NBAS: variants seen among roughly 807,000 people sequenced by gnomAD.
The protein encoded by NBAS is NBAS subunit of NRZ tethering complex.
NBAS carries 219 observed loss-of-function variants against 302.5 expected under a neutral mutation model. The observed-to-expected ratio is 0.72, with a 90% CI of 0.65 to 0.81. NBAS has a LOEUF of 0.81. Among genes scored for constraint, NBAS ranks in the 30% least tolerant of loss-of-function variants. The probability of loss-of-function intolerance (pLI) is 0.00; values close to 1 mark genes in which losing one functional copy is unlikely to be tolerated. For missense variants in NBAS, 2,932 were observed against 2,841.6 expected (o/e 1.03, Z -0.72); for synonymous variants, 1,118 against 1,021.6 (o/e 1.09, Z -1.80).
At chr2:14,888,762 T>A in the NBAS span, among the ~76,000 whole-genome samples, 1 of 152,254 alleles carries the variant, frequency 6.6e-6, no homozygotes. Context: ...AAGGTCTAAG[T>A]CAGATAGATG....
intron 12 of NBAS, among the ~76,000 whole-genome samples, chr2:15,482,665 G>A (rs1185250830): frequency 1.4e-5 from 2 of 146,542 alleles, no homozygotes; most frequent in African/African-American, 2.5e-5. Flanking sequence ...GGCAAGCAAA[G>A]AAAGGTAAGA....
At chr2:15,409,058 A>C (rs770526066) in intron 25 of NBAS, among the ~76,000 whole-genome samples, 4 of 152,186 alleles carry the variant, frequency 2.6e-5, no homozygotes, top group Non-Finnish European at 4.4e-5. Context: ...ATCATTAACT[A>C]TTAGGTTGAC....
At chr2:14,954,983 C>A in the NBAS span, among the ~76,000 whole-genome samples, 1 of 152,178 alleles carries the variant, frequency 6.6e-6, no homozygotes, top group Admixed American at 6.5e-5. Context: ...ACTATTCCAG[C>A]ATTAACCCTA....
chr2:15,374,389 G>A (rs536037120), intron 31 of NBAS, among the ~76,000 whole-genome samples: 7 of 152,048 alleles, frequency 4.6e-5, no homozygotes, highest in South Asian at 4.1e-4. Context: ...TGTTATACAC[G>A]TGAAATTTAA....
chr2:15,298,172 C>G (rs1414790297), intron 40 of NBAS, among the ~76,000 whole-genome samples: 1 of 151,960 alleles, frequency 6.6e-6, no homozygotes, highest in African/African-American at 2.4e-5. Context: ...TAGTGAGACC[C>G]CATCTCTACG....
At chr2:14,834,316 T>C in the NBAS span, among the ~76,000 whole-genome samples, 2 of 152,164 alleles carry the variant, frequency 1.3e-5, no homozygotes, top group Non-Finnish European at 2.9e-5. Context: ...TGGAATCACA[T>C]TTATATAATG....
At chr2:14,952,665 G>T in the NBAS span, among the ~76,000 whole-genome samples, 22 of 152,328 alleles carry the variant, frequency 1.4e-4, no homozygotes, top group Admixed American at 1.4e-3. Context: ...TTTAAGCAGA[G>T]AAATGACCTG....
chr2:15,322,066 T>C (rs1671834004), intron 38 of NBAS, among the ~76,000 whole-genome samples: 2 of 152,112 alleles, frequency 1.3e-5, no homozygotes, highest in Middle Eastern at 3.4e-3. Flanking sequence ...TCATAAAAAA[T>C]GATGAGTTCA....
intron 42 of NBAS, among the ~76,000 whole-genome samples, chr2:15,280,570 A>G (rs899932429): frequency 6.6e-6 from 1 of 152,192 alleles, no homozygotes; most frequent in Admixed American, 6.5e-5. Context: ...AAAATCACAC[A>G]ACTAGTAAGA....
chr2:14,949,749 G>A, the NBAS span, among the ~76,000 whole-genome samples: 2 of 152,148 alleles, frequency 1.3e-5, no homozygotes, highest in Non-Finnish European at 2.9e-5. Context: ...GCAGCCACAT[G>A]GATGGAACTG....
chr2:14,816,246 G>C, the NBAS span, among the ~76,000 whole-genome samples: 3 of 152,240 alleles, frequency 2.0e-5, no homozygotes, highest in Non-Finnish European at 2.9e-5. Context: ...TGAGCAGTGT[G>C]AGTGAGCATT....
chr2:15,551,679 T>C (rs1338765444), intron 5 of NBAS, 143 bp from the exon 6 acceptor site: 10 of 610,352 alleles, frequency 1.6e-5, no homozygotes, highest in Non-Finnish European at 3.0e-5. Context: ...GGCTCAATTA[T>C]GACCCTTTTG....
At chr2:14,952,713 G>A in the NBAS span, among the ~76,000 whole-genome samples, 2 of 152,230 alleles carry the variant, frequency 1.3e-5, no homozygotes, top group African/African-American at 4.8e-5. Flanking sequence ...CCAGCAGGGA[G>A]TCTTTTCAAG....
At chr2:15,451,693 C>T (rs995660084) in intron 21 of NBAS, among the ~76,000 whole-genome samples, 18 of 151,976 alleles carry the variant, frequency 1.2e-4, no homozygotes, top group African/African-American at 3.9e-4. Flanking sequence ...GTTGTAATAA[C>T]ACAAAAAGTC....
At chr2:15,530,322 G>T (rs1663160372) in intron 9 of NBAS, among the ~76,000 whole-genome samples, 1 of 151,918 alleles carries the variant, frequency 6.6e-6, no homozygotes, top group Non-Finnish European at 1.5e-5. Flanking sequence ...CCTTAAGAAA[G>T]ATTTTTAAAA....
At chr2:15,110,558 A>AGGC in the NBAS span, among the ~76,000 whole-genome samples, 1 of 152,174 alleles carries the variant, frequency 6.6e-6, no homozygotes, top group Admixed American at 6.5e-5. Flanking sequence ...TGATGGAGAG[A>AGGC]GGCTGAAAAG....
the NBAS span, among the ~76,000 whole-genome samples, chr2:15,154,869 G>A: frequency 5.3e-5 from 8 of 151,666 alleles, no homozygotes; most frequent in South Asian, 4.2e-4. Flanking sequence ...CAGCATCACC[G>A]AAGCAGAAGC....
At chr2:15,385,691 C>T (rs1675257323) in intron 28 of NBAS, among the ~76,000 whole-genome samples, 1 of 152,112 alleles carries the variant, frequency 6.6e-6, no homozygotes, top group African/African-American at 2.4e-5. Context: ...TGACATCTGC[C>T]ACCCTTTAGA....
chr2:14,906,252 C>T, the NBAS span, among the ~76,000 whole-genome samples: 11 of 152,176 alleles, frequency 7.2e-5, no homozygotes, highest in Non-Finnish European at 8.8e-5. Context: ...TTTGTGTCTA[C>T]GTGTTTCATC....
Sources: allele counts gnomAD v4.1 joint callset (sites outside exome capture counted in the v4.1 genomes callset), GRCh38; gene constraint gnomAD v4.1.1; transcripts MANE v1.5; gene names NCBI Gene and HGNC (gene_info 2026-07-23, HGNC 2026-07-21).